The following PROM1 variants were observed in gnomAD, a reference collection of about 807,000 sequenced individuals.
The protein encoded by PROM1 is prominin 1, also known as prominin-1.
In PROM1, 105 loss-of-function variants were observed where a neutral mutation model predicts 116.9. The ratio of observed to expected loss-of-function variants is 0.90; its 90% CI spans 0.77 to 1.06. The LOEUF is 1.06. PROM1 is among the 50% of genes least tolerant of loss of function. The probability of loss-of-function intolerance (pLI) is 0.00; values close to 1 mark genes in which losing one functional copy is unlikely to be tolerated. For missense variants in PROM1, 1,122 were observed against 1,045.2 expected (o/e 1.07, Z -1.01); for synonymous variants, 393 against 387.0 (o/e 1.02, Z -0.18).
chr4:15,982,163 A>G lies in PROM1; in HGVS notation c.2374-1626T>C, dbSNP rs117448169. 2.0e-5 allele frequency among the ~76,000 whole-genome samples: 3 copies of G among 152,310 alleles called. No individual in the cohort carries two copies. In the East Asian group the frequency reaches 5.8e-4, roughly 29 times the overall value. On this transcript the variant is annotated intron_variant, in intron 23 of 27. Coordinates refer to ENST00000447510, the MANE Select transcript of PROM1 (RefSeq NM_006017.3). ...CCTACGTAAGTTCGAGTCTGACAAT[A>G]TCCCTGCCTTAGAATAATGCTGTCA...
Position 16,073,867 on chromosome 4 carries a change from T to C in PROM1, c.220+1820A>G, listed in dbSNP as rs190496963. On this transcript the variant is annotated intron_variant, in intron 2 of 27. Coordinates refer to ENST00000447510, the MANE Select transcript of PROM1 (RefSeq NM_006017.3). ...ACCAGAATGAAGACCTTAAAATACA[T>C]TGCTTTTCCTTATTAAAAAAAAAAG... Among the ~76,000 whole-genome samples, 4 of 152,170 alleles carry C rather than the reference T, an allele frequency of 2.6e-5. No individual in the cohort carries two copies. In the East Asian group the frequency reaches 7.7e-4, roughly 29 times the overall value.
chr4:15,991,534 T>C (rs1321323335), intron 17 of PROM1, among the ~76,000 whole-genome samples: 1 of 151,778 alleles, frequency 6.6e-6, no homozygotes, highest in Admixed American at 6.6e-5. Flanking sequence ...ATAACATGGA[T>C]GAACAGCAAA....
At chr4:16,056,230 G>A (rs1381938804) in intron 2 of PROM1, among the ~76,000 whole-genome samples, 1 of 152,196 alleles carries the variant, frequency 6.6e-6, no homozygotes, top group East Asian at 1.9e-4. Flanking sequence ...TGAGGAAGTG[G>A]AGTAACCAGA....
chr4:16,039,028 T>A (rs749807998), intron 2 of PROM1, 27 bp from the exon 3 acceptor site: 2 of 1,452,086 alleles, frequency 1.4e-6, no homozygotes, highest in Non-Finnish European at 1.8e-6. Flanking sequence ...AAAATAGCAA[T>A]ATTATTTTTT....
In PROM1 at chr4:16,033,310, A is replaced by G; in HGVS notation, c.503T>C (p.Ile168Thr). The change falls in exon 5 of 28, where the codon ATA (isoleucine) becomes ACA (threonine). Residue 168 changes from isoleucine (I) to threonine (T), a missense_variant. Transcript: ENST00000447510. ...FAISLLVICI[I>T]ISIGIFYGFV... ...TGTCCAATATTGTACTTGCCTTATT[A>G]TTATACAAATCACCAACAGGGAGAT... 1 of 1,611,938 alleles carries G rather than the reference A, an allele frequency of 6.2e-7. No individual in the cohort carries two copies. Among genetic ancestry groups the G allele is most frequent in the Non-Finnish European group, 8.5e-7 (1 of 1,178,414 alleles).
At position 15,992,282 on chromosome 4, in the gene PROM1, A is replaced by C. The variant is rs778029204; in HGVS notation, c.1877T>G (p.Ile626Arg). The change falls in exon 17 of 28, where the codon ATA becomes AGA. Residue 626 changes from isoleucine to arginine, a missense_variant. By Grantham distance (97) the Ile-to-Arg change is moderately conservative (BLOSUM62 -3). Coordinates refer to ENST00000447510, the MANE Select transcript of PROM1 (RefSeq NM_006017.3). ...GTAGCTGTCATAATTCATTCTGTCT[A>C]TTCCACAAGCAGCAAAATCCTGAAG... is the stretch of plus-strand genomic sequence containing the variant. ...KNLQDFAACG[I>R]DRMNYDSYLA... The C allele has an allele frequency of 6.2e-7, 1 of 1,614,010 alleles. No individual in the cohort carries two copies. Among genetic ancestry groups the C allele is most frequent in the Non-Finnish European group, 8.5e-7 (1 of 1,179,886 alleles).
intron 20 of PROM1, 48 bp from the exon 21 acceptor site, chr4:15,986,085 T>C (rs570509203): frequency 7.5e-7 from 1 of 1,335,772 alleles, no homozygotes; most frequent in East Asian, 2.5e-5. Flanking sequence ...ATAGAAAGTT[T>C]TAATTAGACA....
chr4:16,050,534 T>C (rs149135230), intron 2 of PROM1, among the ~76,000 whole-genome samples: 187 of 152,226 alleles, frequency 1.2e-3, no homozygotes, highest in African/African-American at 4.2e-3. Context: ...TTGTATTTTC[T>C]GAAGAGATGA....
intron 2 of PROM1, among the ~76,000 whole-genome samples, chr4:16,053,742 C>T (rs190499192): frequency 1.3e-5 from 2 of 152,316 alleles, no homozygotes; most frequent in Non-Finnish European, 2.9e-5. Flanking sequence ...GGGCCACTGG[C>T]ATATGGGGAT....
chr4:15,987,876 T>TA (rs1719865756), intron 19 of PROM1, among the ~76,000 whole-genome samples, 160 bp from the exon 20 acceptor site: 3 of 102,132 alleles, frequency 2.9e-5, no homozygotes, highest in African/African-American at 1.2e-4. Flanking sequence ...ATGTGTACTT[T>TA]CTTTTTTTTT....
chr4:15,993,360 C>G (rs889671893), intron 16 of PROM1, among the ~76,000 whole-genome samples: 1 of 152,182 alleles, frequency 6.6e-6, no homozygotes, highest in African/African-American at 2.4e-5. Flanking sequence ...TCTAGGTTAA[C>G]GGCACCCTAG....
At chr4:16,023,296 T>C (rs765863510) in intron 8 of PROM1, 30 bp downstream of exon 8, 31 of 1,529,196 alleles carry the variant, frequency 2.0e-5, no homozygotes, top group Non-Finnish European at 2.6e-5. Context: ...TGGATGGAAC[T>C]TTCTTTGGTC....
At chr4:16,040,510 T>C (rs755152775) in intron 2 of PROM1, among the ~76,000 whole-genome samples, 44 of 152,258 alleles carry the variant, frequency 2.9e-4, no homozygotes, top group Non-Finnish European at 5.0e-4. Flanking sequence ...ATTTAAAAAC[T>C]GAGAAATCAT....
chr4:16,004,585 T>C (rs1480837945), intron 13 of PROM1, among the ~76,000 whole-genome samples: 1 of 152,212 alleles, frequency 6.6e-6, no homozygotes, highest in East Asian at 1.9e-4. Flanking sequence ...AACAACCAAG[T>C]TAAATTGTTG....
chr4:16,021,019 A>T (rs1231021373), intron 8 of PROM1, among the ~76,000 whole-genome samples: 1 of 150,510 alleles, frequency 6.6e-6, no homozygotes, highest in Non-Finnish European at 1.5e-5. Context: ...TCCAAATATG[A>T]TTTGCACACC....
chr4:15,980,296 C>T (rs1717433720), intron 24 of PROM1, 126 bp downstream of exon 24: 3 of 678,982 alleles, frequency 4.4e-6, no homozygotes, highest in South Asian at 3.5e-5. Flanking sequence ...AGTGACCCAA[C>T]TACTACTAAA....
intron 15 of PROM1, among the ~76,000 whole-genome samples, chr4:15,997,433 G>A (rs1722612245): frequency 6.7e-6 from 1 of 149,492 alleles, no homozygotes; most frequent in South Asian, 2.2e-4. Flanking sequence ...GAGGTCAGGA[G>A]TTGTTATATA....
intron 2 of PROM1, among the ~76,000 whole-genome samples, chr4:16,070,505 A>G (rs901182323): frequency 1.3e-5 from 2 of 152,194 alleles, no homozygotes; most frequent in African/African-American, 4.8e-5. Flanking sequence ...AGTTAGCATG[A>G]TTGAGTCCAT....
At chr4:16,064,508 T>C (rs1306182079) in intron 2 of PROM1, among the ~76,000 whole-genome samples, 2 of 152,218 alleles carry the variant, frequency 1.3e-5, no homozygotes, top group Non-Finnish European at 2.9e-5. Context: ...TTTTTCACGA[T>C]CTGAGTACTA....
Sources: allele counts gnomAD v4.1 joint callset (sites outside exome capture counted in the v4.1 genomes callset), GRCh38; gene constraint gnomAD v4.1.1; transcripts MANE v1.5; gene names NCBI Gene and HGNC (gene_info 2026-07-23, HGNC 2026-07-21).